The following TSPAN13 variants were observed in gnomAD, a reference collection of about 807,000 sequenced individuals.
TSPAN13 encodes the protein tetraspanin 13.
In TSPAN13, 18 loss-of-function variants were observed where a neutral mutation model predicts 26.9. That is an observed-to-expected ratio of 0.67 (90% CI 0.46 to 0.99). The LOEUF is 0.99. TSPAN13 is among the 50% of genes least tolerant of loss of function. The pLI is 0.00. For missense variants in TSPAN13, 201 were observed against 249.6 expected (o/e 0.81, Z 1.31); for synonymous variants, 116 against 98.4 (o/e 1.18, Z -1.06).
intron 1 of TSPAN13, among the ~76,000 whole-genome samples, chr7:16,774,373 G>A (rs1784715897): frequency 6.6e-6 from 1 of 152,154 alleles, no homozygotes; most frequent in Admixed American, 6.5e-5. Flanking sequence ...CATCTTCAGC[G>A]TTTGGTACCA....
At position 16,783,412 on chromosome 7, in the gene TSPAN13, T is replaced by A. The variant is rs780797833; in HGVS notation, c.541-5T>A. ...CTTTACTTTATTTTTTTTTCCCCAT[T>A]CCAGATCCTGGGTGTTTGGCTGACC... On this transcript the variant is annotated splice_region_variant and splice_polypyrimidine_tract_variant and intron_variant, in intron 5 of 5. Coordinates refer to ENST00000262067, the MANE Select transcript of TSPAN13 (RefSeq NM_014399.4). The A allele has an allele frequency of 3.1e-6, 5 of 1,613,098 alleles. No individual in the cohort carries two copies. The highest frequency in any genetic ancestry group is 4.2e-6 in the Non-Finnish European group (5 of 1,179,430).
chr7:16,772,935 G>A (rs1279792312), intron 1 of TSPAN13, among the ~76,000 whole-genome samples: 2 of 152,226 alleles, frequency 1.3e-5, no homozygotes, highest in South Asian at 2.1e-4. Flanking sequence ...GGTGGAGGTC[G>A]CAGTGAGCCG....
rs1784847120 is a variant in TSPAN13, at chr7:16,784,267, T to C, written c.*776T>C. ...TTTGAAGTCTAAAAGACTGCATTTT[T>C]AAACAAGTTAGTATTAATGCGTTGG... is the stretch of plus-strand genomic sequence containing the variant. On this transcript the variant is annotated 3_prime_UTR_variant, in exon 6 of 6. Coordinates refer to ENST00000262067, the MANE Select transcript of TSPAN13 (RefSeq NM_014399.4). 6.6e-6 allele frequency: 1 copy of C among 152,372 alleles called. No individual in the cohort carries two copies. Among genetic ancestry groups the C allele is most frequent in the African/African-American group, 2.4e-5 (1 of 41,460 alleles). The allele number at this position is 152,372 out of a possible 1,614,324, so 9.4% of individuals were successfully genotyped here. A position where few individuals can be genotyped will look rare whatever the true frequency, so the allele number is the denominator to read the frequency against.
intron 1 of TSPAN13, among the ~76,000 whole-genome samples, chr7:16,756,491 A>G (rs1784482705): frequency 6.6e-6 from 1 of 152,204 alleles, no homozygotes; most frequent in African/African-American, 2.4e-5. Context: ...TGAACTGTCC[A>G]CATGCTCTGG....
chr7:16,783,957 T>A lies in TSPAN13; in HGVS notation c.*466T>A, dbSNP rs77270635. The A allele has an allele frequency of 8.3e-6, 1 of 120,342 alleles. No individual in the cohort carries two copies. The highest frequency in any genetic ancestry group is 3.0e-5 in the African/African-American group (1 of 33,166). The allele number at this position is 120,342 out of a possible 1,614,324, so 7.5% of individuals were successfully genotyped here. On this transcript the variant is annotated 3_prime_UTR_variant, in exon 6 of 6. Transcript: ENST00000262067. The stretch of plus-strand genomic sequence containing the variant: ...TGTTAAGGGAAATCCAAATTCCCAA[T>A]TTTTTTTGGTCTTTTTAGGAAAGAT...
intron 1 of TSPAN13, among the ~76,000 whole-genome samples, chr7:16,772,480 G>A (rs1214123344): frequency 1.3e-5 from 2 of 152,146 alleles, no homozygotes; most frequent in African/African-American, 4.8e-5. Flanking sequence ...ATCTGTTCTT[G>A]CGTCTTCCAT....
intron 1 of TSPAN13, among the ~76,000 whole-genome samples, chr7:16,761,229 G>A (rs191955053): frequency 1.8e-4 from 28 of 152,240 alleles, no homozygotes; most frequent in Admixed American, 7.2e-4. Flanking sequence ...AAAAATATTC[G>A]CAAGAGCACT....
At chr7:16,764,256 T>C (rs1784581925) in intron 1 of TSPAN13, among the ~76,000 whole-genome samples, 1 of 150,834 alleles carries the variant, frequency 6.6e-6, no homozygotes, top group Admixed American at 6.6e-5. Context: ...CTCAAACTCC[T>C]GACCTCGTGA....
At chr7:16,757,953 C>T (rs1439913585) in intron 1 of TSPAN13, among the ~76,000 whole-genome samples, 1 of 152,100 alleles carries the variant, frequency 6.6e-6, no homozygotes, top group Non-Finnish European at 1.5e-5. Flanking sequence ...CCTGCCTCAG[C>T]CTCCTGAGTA....
At chr7:16,766,766 A>G (rs531573506) in intron 1 of TSPAN13, among the ~76,000 whole-genome samples, 1 of 152,312 alleles carries the variant, frequency 6.6e-6, no homozygotes, top group South Asian at 2.1e-4. Flanking sequence ...AGACCAATTT[A>G]CAGAGGAATG....
chr7:16,769,982 C>T (rs1784655358), intron 1 of TSPAN13, among the ~76,000 whole-genome samples: 1 of 151,862 alleles, frequency 6.6e-6, no homozygotes, highest in South Asian at 2.1e-4. Flanking sequence ...TATTATTAAC[C>T]TTTCTCTTAA....
intron 1 of TSPAN13, among the ~76,000 whole-genome samples, chr7:16,755,462 T>C (rs768369811): frequency 1.3e-5 from 2 of 151,740 alleles, no homozygotes; most frequent in Non-Finnish European, 2.9e-5. Flanking sequence ...AAGTTTCAGA[T>C]CAAAATTCAT....
In TSPAN13 at chr7:16,777,906, C is replaced by A; in HGVS notation, c.421C>A (p.Leu141Met). 6.2e-7 allele frequency: 1 copy of A among 1,610,364 alleles called. No individual in the cohort carries two copies. The change falls in exon 4 of 6, where the codon CTG becomes ATG. Residue 141 changes from leucine to methionine, a missense_variant. By Grantham distance (15) the Leu-to-Met change is conservative. Coordinates refer to ENST00000262067, the MANE Select transcript of TSPAN13 (RefSeq NM_014399.4). ...AAGTGTTAACCCAAATGACACCTGT[C>A]TGGCTGTAAGTACATTGTATAATAT... The part of the protein sequence containing the change: ...FRSVNPNDTC[L>M]ASCVKSDHSC...
chr7:16,765,626 T>G lies in TSPAN13; in HGVS notation c.64-10585T>G, dbSNP rs1784596454. 2.0e-5 allele frequency among the ~76,000 whole-genome samples: 3 copies of G among 152,348 alleles called. No homozygotes were observed. The South Asian group carries it at 6.2e-4, about 32-fold the overall frequency. ...TCCTTTAGTTCTCTTTTTAAAACTC[T>G]TTTTATATGATTCACCTTTCTTTGT... On this transcript the variant is annotated intron_variant, in intron 1 of 5. Transcript: ENST00000262067.
chr7:16,777,766 G>T, intron 3 of TSPAN13, 32 bp from the exon 4 acceptor site: 1 of 1,539,838 alleles, frequency 6.5e-7, no homozygotes, highest in South Asian at 1.1e-5. Context: ...CTGCAGGGAT[G>T]ACACATTTTA....
chr7:16,758,409 T>C (rs1472929543), intron 1 of TSPAN13, among the ~76,000 whole-genome samples: 1 of 152,186 alleles, frequency 6.6e-6, no homozygotes, highest in Non-Finnish European at 1.5e-5. Flanking sequence ...CGTCCCCTCA[T>C]GAAGCTGTGT....
At position 16,784,478 on chromosome 7, in the gene TSPAN13, C is replaced by CT. The variant is rs1482715880; in HGVS notation, c.*990dup. 2 of 152,038 alleles carry CT rather than the reference C, an allele frequency of 1.3e-5. No individual in the cohort carries two copies. Among genetic ancestry groups the CT allele is most frequent in the African/African-American group, 4.8e-5 (2 of 41,406 alleles). The allele number at this position is 152,038 out of a possible 1,614,324, so 9.4% of individuals were successfully genotyped here. On this transcript the variant is annotated 3_prime_UTR_variant, in exon 6 of 6. Coordinates refer to ENST00000262067, the MANE Select transcript of TSPAN13 (RefSeq NM_014399.4). ...TGTTAAAAAATTAAAGGACAGAAAC[C>CT]TTTCTTTGTGTATGCATGTTTGAAT... is the stretch of plus-strand genomic sequence containing the variant.
chr7:16,759,682 TTTTC>T, intron 1 of TSPAN13, among the ~76,000 whole-genome samples: 1 of 150,190 alleles, frequency 6.7e-6, no homozygotes, highest in African/African-American at 2.5e-5. Context: ...TTCTGCTTTT[TTTTC>T]TTTTCTTTCT....
intron 1 of TSPAN13, among the ~76,000 whole-genome samples, chr7:16,754,747 A>C (rs1182251948): frequency 6.6e-6 from 1 of 152,006 alleles, no homozygotes; most frequent in African/African-American, 2.4e-5. Context: ...TTCCCTGCCA[A>C]CCAGCTTGGG....
Sources: gnomAD v4.1 joint callset for allele counts (sites outside exome capture counted in the v4.1 genomes callset) on GRCh38, gnomAD v4.1.1 for gene constraint, MANE v1.5 for transcripts, NCBI Gene and HGNC (gene_info 2026-07-23, HGNC 2026-07-21) for gene names.